The following NCF4 variants were observed in gnomAD, a reference collection of about 807,000 sequenced individuals.
NCF4 encodes the protein neutrophil cytosol factor 4.
Under a neutral mutation model 41.7 loss-of-function variants are expected in NCF4, and 30 were observed. The observed-to-expected ratio is 0.72, with a 90% CI of 0.54 to 0.97. NCF4 has a LOEUF of 0.97. NCF4 is among the 50% of genes least tolerant of loss of function. The probability of loss-of-function intolerance (pLI) is 0.00; values close to 1 mark genes in which losing one functional copy is unlikely to be tolerated. For missense variants in NCF4, 432 were observed against 460.9 expected, an observed-to-expected ratio of 0.94 and a Z score of 0.57; for synonymous variants, 195 against 175.8, an observed-to-expected ratio of 1.11 and a Z score of -0.87.
In NCF4 at chr22:36,870,785, A is replaced by G. The variant is rs184337981; in HGVS notation, c.470+243A>G. Among the ~76,000 whole-genome samples the G allele has an allele frequency of 1.8e-4, 27 of 152,248 alleles. No homozygotes were observed. In the East Asian group the frequency reaches 5.0e-3, roughly 28 times the overall value. On this transcript the variant is annotated intron_variant, in intron 5 of 9. Transcript: ENST00000248899. ...ACGAGGACTGGGATATTGACTCCAGAGAGTTTGGTGCCACAGCAACTACTG... is the reference window on the plus strand; with the variant it reads ...ACGAGGACTGGGATATTGACTCCAGGGAGTTTGGTGCCACAGCAACTACTG...
In NCF4 at chr22:36,864,081, G is replaced by C. The variant is rs10854695; in HGVS notation, c.69G>C (p.Ser23=). The change falls in exon 2 of 10, where the codon TCG becomes TCC. Residue 23 remains serine (S), a synonymous_variant. Coordinates refer to ENST00000248899, the MANE Select transcript of NCF4 (RefSeq NM_000631.5). ...AGCTTCCGGATGATGTTGCCATCTC[G>C]GCCAACATTGCTGACATCGAGGAGA... ...FEQLPDDVAI[S]ANIADIEEKR... 6.2e-7 allele frequency: 1 copy of C among 1,613,970 alleles called. No homozygotes were observed. The highest frequency in any genetic ancestry group is 1.6e-4 in the Middle Eastern group (1 of 6,062).
intron 4 of NCF4, chr22:36,870,074 G>T (rs778256539): frequency 2.7e-6 from 1 of 377,224 alleles, no homozygotes; most frequent in East Asian, 6.6e-5. Context: ...TGGAGCAAGG[G>T]CGCGCATGTG....
intron 2 of NCF4, among the ~76,000 whole-genome samples, chr22:36,864,707 T>G (rs971501721): frequency 6.6e-6 from 1 of 152,104 alleles, no homozygotes; most frequent in Non-Finnish European, 1.5e-5. Flanking sequence ...TTTCCAGTTT[T>G]TTTTTTCTTT....
intron 7 of NCF4, 88 bp from the exon 8 acceptor site, chr22:36,875,565 C>T: frequency 7.9e-7 from 1 of 1,266,758 alleles, no homozygotes; most frequent in Admixed American, 1.7e-5. Context: ...CTGCCTTTCC[C>T]CATCACTAGA....
chr22:36,872,387 A>G lies in NCF4; in HGVS notation c.589A>G (p.Ile197Val). 6.2e-7 allele frequency: 1 copy of G among 1,613,636 alleles called. No homozygotes were observed. Among genetic ancestry groups the G allele is most frequent in the Non-Finnish European group, 8.5e-7 (1 of 1,179,484 alleles). Residue 197 changes from isoleucine (I) to valine (V), a missense_variant, in exon 7 of 10, where the codon ATC becomes GTC. By Grantham distance (29) the Ile-to-Val change is conservative. Coordinates refer to ENST00000248899, the MANE Select transcript of NCF4 (RefSeq NM_000631.5). The part of the protein sequence containing the change: ...LELNFKAGDV[I>V]FLLSRINKDW... ...GCTGAATTTCAAAGCTGGAGATGTGATCTTCCTCCTCAGTCGGATCAACAA... is the reference window on the plus strand; with the variant it reads ...GCTGAATTTCAAAGCTGGAGATGTGGTCTTCCTCCTCAGTCGGATCAACAA...
Position 36,865,134 on chromosome 22 carries a change from C to T in NCF4, c.271+62C>T. The T allele has an allele frequency of 1.9e-6, 3 of 1,589,962 alleles. No individual in the cohort carries two copies. Among genetic ancestry groups the T allele is most frequent in the Non-Finnish European group, 2.6e-6 (3 of 1,171,772 alleles). On this transcript the variant is annotated intron_variant, in intron 3 of 9. Coordinates refer to ENST00000248899, the MANE Select transcript of NCF4 (RefSeq NM_000631.5). The surrounding 1 kb of genome is among the most constrained non-coding windows in gnomAD (Gnocchi z 4.3). Reference sequence around the variant, plus strand: ...CTGACTCTCCTTCCTTCCAGGGCCCCTGACACTGTTCTGTGATTTGATCTC... The same window carrying T: ...CTGACTCTCCTTCCTTCCAGGGCCCTTGACACTGTTCTGTGATTTGATCTC...
chr22:36,871,104 G>A (rs759725525), intron 5 of NCF4, among the ~76,000 whole-genome samples: 2 of 152,318 alleles, frequency 1.3e-5, no homozygotes, highest in Non-Finnish European at 1.5e-5. Context: ...AAAGCAGGAC[G>A]GAGCTCCTGA....
At chr22:36,871,896 G>A (rs1940065841) in intron 6 of NCF4, among the ~76,000 whole-genome samples, 187 bp downstream of exon 6, 1 of 152,248 alleles carries the variant, frequency 6.6e-6, no homozygotes, top group South Asian at 2.1e-4. Flanking sequence ...CAGCTAAGGG[G>A]AGGGCATGTG....
intron 7 of NCF4, among the ~76,000 whole-genome samples, chr22:36,873,956 G>A (rs1940138634): frequency 6.6e-6 from 1 of 152,230 alleles, no homozygotes; most frequent in South Asian, 2.1e-4. Context: ...GCCTGTTTGG[G>A]CCATTTCCTA....
At position 36,866,189 on chromosome 22, in the gene NCF4, C is replaced by T. The variant is rs192325551; in HGVS notation, c.271+1117C>T. ...TCTTCTTCCTTTGGCATCAAATTCA[C>T]GCACTGTCTCACCTTGGCATGGCCA... On this transcript the variant is annotated intron_variant, in intron 3 of 9. Coordinates refer to ENST00000248899, the MANE Select transcript of NCF4 (RefSeq NM_000631.5). Among the ~76,000 whole-genome samples, 109 of 152,244 alleles carry T rather than the reference C, an allele frequency of 7.2e-4. 1 individual carries two copies. Among genetic ancestry groups the T allele is most frequent in the Admixed American group, 6.1e-3 (94 of 15,290 alleles).
At chr22:36,872,206 T>TTA (rs777907177) in intron 6 of NCF4, 121 bp from the exon 7 acceptor site, 1 of 864,728 alleles carries the variant, frequency 1.2e-6, no homozygotes, top group South Asian at 1.4e-5. Flanking sequence ...GAGAAGTCGC[T>TTA]TATTCTCCCC....
intron 8 of NCF4, 87 bp from the exon 9 acceptor site, chr22:36,875,942 G>T (rs775053057): frequency 1.2e-6 from 2 of 1,614,044 alleles, no homozygotes; most frequent in Non-Finnish European, 1.7e-6. Context: ...CGTCCAGGGT[G>T]GCCTGGCCAG....
rs776136866 is a variant in NCF4, at chr22:36,861,149, G to A, written c.-23G>A. On this transcript the variant is annotated 5_prime_UTR_variant, in exon 1 of 10. Transcript: ENST00000248899. The stretch of plus-strand genomic sequence containing the variant: ...ACTGGCTGGGCGAGACTCTCCACCT[G>A]CTCCCTGGGACCATCGCCCACCATG... 3.9e-5 allele frequency: 61 copies of A among 1,551,332 alleles called. No homozygotes were observed. In the South Asian group the frequency reaches 6.9e-4, roughly 18 times the overall value.
chr22:36,872,659 T>G (rs977017142), intron 7 of NCF4, among the ~76,000 whole-genome samples: 14 of 16,358 alleles, frequency 8.6e-4, no homozygotes, highest in Non-Finnish European at 8.6e-4. Flanking sequence ...GGAGATGAGA[T>G]TGGAGGTGAG....
intron 3 of NCF4, 96 bp from the exon 4 acceptor site, chr22:36,867,296 G>A: frequency 1.7e-5 from 22 of 1,296,030 alleles, no homozygotes; most frequent in Non-Finnish European, 2.5e-5. Flanking sequence ...CCATCGGGAA[G>A]GGGCTCTGGC....
At position 36,865,111 on chromosome 22, in the gene NCF4, G is replaced by A; in HGVS notation, c.271+39G>A. On this transcript the variant is annotated intron_variant, in intron 3 of 9. Coordinates refer to ENST00000248899, the MANE Select transcript of NCF4 (RefSeq NM_000631.5). This position sits in a 1 kb window ranked among gnomAD's most constrained non-coding sequence, Gnocchi z 4.3. The stretch of plus-strand genomic sequence containing the variant: ...CCCGTCCTGCTGCTGCAGAGCTGCT[G>A]ACTCTCCTTCCTTCCAGGGCCCCTG... 6.2e-7 allele frequency: 1 copy of A among 1,602,308 alleles called. No homozygotes were observed. Among genetic ancestry groups the A allele is most frequent in the Non-Finnish European group, 8.5e-7 (1 of 1,179,444 alleles).
At chr22:36,872,237 G>T (rs762012233) in intron 6 of NCF4, 90 bp from the exon 7 acceptor site, 1 of 1,060,186 alleles carries the variant, frequency 9.4e-7, no homozygotes, top group Non-Finnish European at 1.5e-6. Context: ...TTCTACATCT[G>T]TAAAATGGGA....
chr22:36,864,734 C>T (rs1259691441), intron 2 of NCF4, among the ~76,000 whole-genome samples, 185 bp from the exon 3 acceptor site: 4 of 146,664 alleles, frequency 2.7e-5, no homozygotes, highest in African/African-American at 7.6e-5. Context: ...CTTTTTTTTT[C>T]GCAAAGCTCG....
intron 4 of NCF4, among the ~76,000 whole-genome samples, chr22:36,867,955 G>A (rs191049356): frequency 1.3e-5 from 2 of 152,206 alleles, no homozygotes; most frequent in Non-Finnish European, 2.9e-5. Context: ...ACTCCCTTAC[G>A]TGAACATGGG....
Sources: gnomAD v4.1 joint callset for allele counts (sites outside exome capture counted in the v4.1 genomes callset) on GRCh38, gnomAD v4.1.1 for gene constraint, Gnocchi (gnomAD v3.1) non-coding constraint, MANE v1.5 for transcripts, NCBI Gene and HGNC (gene_info 2026-07-23, HGNC 2026-07-21) for gene names.